HCLS1: variants seen among roughly 807,000 people sequenced by gnomAD.
HCLS1 encodes hematopoietic cell-specific Lyn substrate 1.
Under a neutral mutation model 68.6 loss-of-function variants are expected in HCLS1, and 44 were observed. The ratio of observed to expected loss-of-function variants is 0.64; its 90% CI spans 0.50 to 0.82. HCLS1 has a LOEUF of 0.82. HCLS1 is among the 40% of genes least tolerant of loss of function. HCLS1 has a pLI of 0.00. For synonymous variants in HCLS1, 217 were observed against 225.8 expected (o/e 0.96, Z 0.35); for missense variants, 602 against 612.1 (o/e 0.98, Z 0.17).
intron 5 of HCLS1, 35 bp downstream of exon 5, chr3:121,644,783 G>T: frequency 7.0e-7 from 1 of 1,421,670 alleles, no homozygotes; most frequent in South Asian, 1.1e-5. Flanking sequence ...CACAGGACTG[G>T]AGGTGGGTGG....
intron 1 of HCLS1, among the ~76,000 whole-genome samples, chr3:121,658,604 T>C (rs1230115934): frequency 6.6e-6 from 1 of 152,212 alleles, no homozygotes; most frequent in Non-Finnish European, 1.5e-5. Context: ...GAAGTCATCA[T>C]GGGTGTGGGT....
chr3:121,639,777 A>G (rs2049180813), intron 6 of HCLS1, among the ~76,000 whole-genome samples: 1 of 152,250 alleles, frequency 6.6e-6, no homozygotes, highest in Non-Finnish European at 1.5e-5. Context: ...GGTAGTGTTC[A>G]GAGGGAAATG....
intron 13 of HCLS1, 52 bp downstream of exon 13, chr3:121,632,049 C>A (rs375238578): frequency 5.5e-4 from 892 of 1,611,372 alleles, no homozygotes; most frequent in Non-Finnish European, 6.9e-4. Context: ...GTCCCCCTGT[C>A]TTATATCAGG....
In HCLS1 at chr3:121,635,810, G is replaced by A; in HGVS notation, c.622-6C>T. ...TCATTGAAGCCGACAGCGCTCTGCA[G>A]GCAGGAGAACAGCATGTGTGTTGCG... On this transcript the variant is annotated splice_region_variant and splice_polypyrimidine_tract_variant and intron_variant, in intron 8 of 13. Coordinates refer to ENST00000314583, the MANE Select transcript of HCLS1 (RefSeq NM_005335.6). 6.2e-7 allele frequency: 1 copy of A among 1,613,658 alleles called. No homozygotes were observed. Among genetic ancestry groups the A allele is most frequent in the East Asian group, 2.2e-5 (1 of 44,878 alleles).
chr3:121,657,210 AAG>A lies in HCLS1; in HGVS notation c.158+67_158+68del, dbSNP rs1227507710. ...TCCTTTTCCTCCCTCACCTTCCCCC[AAG>A]TCTCCGAGTTTTCTTTGGGCTCTTC... On this transcript the variant is annotated intron_variant, in intron 3 of 13. Transcript: ENST00000314583. 2.2e-5 allele frequency: 30 copies of A among 1,340,790 alleles called. No homozygotes were observed. The African/African-American group carries it at 4.1e-4, about 18-fold the overall frequency. The allele number at this position is 1,340,790 out of a possible 1,614,324, so 83.1% of individuals were successfully genotyped here.
chr3:121,634,562 G>T, intron 9 of HCLS1, 144 bp from the exon 10 acceptor site: 1 of 750,504 alleles, frequency 1.3e-6, no homozygotes, highest in Non-Finnish European at 2.2e-6. Flanking sequence ...ATCGATAGAG[G>T]AACAAGGGAT....
chr3:121,638,269 C>A (rs530562658), intron 6 of HCLS1, among the ~76,000 whole-genome samples: 231 of 152,228 alleles, frequency 1.5e-3, no homozygotes, highest in Admixed American at 5.2e-3. Flanking sequence ...CACTGTGTTG[C>A]CCAGGCTAGC....
intron 4 of HCLS1, among the ~76,000 whole-genome samples, chr3:121,646,647 A>G (rs1359260733): frequency 6.8e-5 from 8 of 117,778 alleles, no homozygotes; most frequent in African/African-American, 1.3e-4. Context: ...ATATTATATT[A>G]TATATACTTA....
chr3:121,654,761 T>G (rs926982586), intron 3 of HCLS1, among the ~76,000 whole-genome samples: 6 of 152,158 alleles, frequency 3.9e-5, no homozygotes, highest in Non-Finnish European at 8.8e-5. Flanking sequence ...TTGTTTGTTT[T>G]TTGTTTTTTC....
intron 1 of HCLS1, among the ~76,000 whole-genome samples, chr3:121,659,682 G>A (rs887039197): frequency 5.9e-5 from 9 of 152,162 alleles, no homozygotes; most frequent in Non-Finnish European, 2.9e-5. Context: ...TCCCTGATGC[G>A]GTTGGAGACA....
chr3:121,652,274 A>C lies in HCLS1; in HGVS notation c.159-4826T>G, dbSNP rs556947495. 5.9e-5 allele frequency among the ~76,000 whole-genome samples: 9 copies of C among 152,322 alleles called. No homozygotes were observed. The South Asian group carries it at 1.9e-3, about 32-fold the overall frequency. On this transcript the variant is annotated intron_variant, in intron 3 of 13. Coordinates refer to ENST00000314583, the MANE Select transcript of HCLS1 (RefSeq NM_005335.6). Reference sequence around the variant, plus strand: ...ATTTTCATGGTAATAGATATATTCTATATCTTGATTGCATTGGTGGTTATA... The same window carrying C: ...ATTTTCATGGTAATAGATATATTCTCTATCTTGATTGCATTGGTGGTTATA...
chr3:121,652,045 C>T (rs1167605208), intron 3 of HCLS1, among the ~76,000 whole-genome samples: 1 of 152,146 alleles, frequency 6.6e-6, no homozygotes, highest in Admixed American at 6.5e-5. Context: ...TACAATGGGA[C>T]ACTACATGAC....
At chr3:121,640,442 G>T (rs1280860530) in intron 6 of HCLS1, among the ~76,000 whole-genome samples, 3 of 151,802 alleles carry the variant, frequency 2.0e-5, no homozygotes, top group Non-Finnish European at 2.9e-5. Context: ...ATAACCATGA[G>T]GAACGCAGAT....
In HCLS1 at chr3:121,658,359, CG is replaced by C; in HGVS notation, c.1-13del. 2 of 1,603,118 alleles carry C rather than the reference CG, an allele frequency of 1.2e-6. No individual in the cohort carries two copies. Among genetic ancestry groups the C allele is most frequent in the Non-Finnish European group, 1.7e-6 (2 of 1,170,378 alleles). ...ACAGACTTCCACATCTGAGAGTGAC[CG>C]GAGATGGGAATAATTAGGGACAAAA... On this transcript the variant is annotated splice_polypyrimidine_tract_variant and intron_variant, in intron 1 of 13. Coordinates refer to ENST00000314583, the MANE Select transcript of HCLS1 (RefSeq NM_005335.6).
In HCLS1 at chr3:121,636,444, C is replaced by T. The variant is rs775062262; in HGVS notation, c.611G>A (p.Arg204Gln). 1.9e-5 allele frequency: 31 copies of T among 1,612,900 alleles called. No homozygotes were observed. The highest frequency in any genetic ancestry group is 6.7e-5 in the African/African-American group (5 of 74,914). The stretch of plus-strand genomic sequence containing the variant: ...GTTCCGGTGCTTTACCTTATCCACT[C>T]GGTCCTTCTGGATTCCATACTGGCC... The part of the protein sequence containing the change: ...FGGQYGIQKD[R>Q]VDKSAVGFNE... Residue 204 changes from arginine (R) to glutamine (Q), a missense_variant, in exon 8 of 14, where the codon CGA (arginine) becomes CAA (glutamine). Coordinates refer to ENST00000314583, the MANE Select transcript of HCLS1 (RefSeq NM_005335.6).
chr3:121,656,112 G>A (rs968355216), intron 3 of HCLS1: 3 of 152,066 alleles, frequency 2.0e-5, no homozygotes, highest in African/African-American at 7.2e-5. Context: ...GCCTTCCAAA[G>A]TTTTGGGATT....
intron 3 of HCLS1, among the ~76,000 whole-genome samples, chr3:121,649,383 G>T (rs760508122): frequency 8.5e-5 from 13 of 152,104 alleles, no homozygotes; most frequent in Non-Finnish European, 1.6e-4. Context: ...TTACAGGCAT[G>T]CATGTCATGC....
At chr3:121,658,225 C>A (rs764035763) in intron 2 of HCLS1, 39 bp downstream of exon 2, 4 of 1,499,922 alleles carry the variant, frequency 2.7e-6, no homozygotes, top group Non-Finnish European at 3.7e-6. Context: ...CCTCACCCCA[C>A]CCTCTGCACT....
intron 5 of HCLS1, 55 bp downstream of exon 5, chr3:121,644,762 TG>T: frequency 8.3e-7 from 1 of 1,211,586 alleles, no homozygotes; most frequent in Non-Finnish European, 1.2e-6. Context: ...GGGGTGATCG[TG>T]GGCAATTTTC....
Sources: allele counts gnomAD v4.1 joint callset (sites outside exome capture counted in the v4.1 genomes callset), GRCh38; gene constraint gnomAD v4.1.1; transcripts MANE v1.5; gene names NCBI Gene and HGNC (gene_info 2026-07-23, HGNC 2026-07-21).